The following ZFPM1 variants were observed in gnomAD, a reference collection of about 807,000 sequenced individuals.
The protein encoded by ZFPM1 is zinc finger protein ZFPM1.
ZFPM1 carries 28 observed loss-of-function variants against 46.3 expected under a neutral mutation model. The observed-to-expected ratio is 0.60, with a 90% confidence interval of 0.45 to 0.83. The LOEUF (loss-of-function observed/expected upper bound fraction) is 0.83, where lower values mean the gene tolerates loss of function less well. ZFPM1 is among the 40% of genes least tolerant of loss of function. The pLI is 0.00. For synonymous variants in ZFPM1, 957 were observed against 675.9 expected (o/e 1.42, Z -6.45); for missense variants, 1,878 against 1,432.4 (o/e 1.31, Z -5.02).
At chr16:88,493,203 GGAGCTGTCCCGGGGTGGGGA>G (rs1403733934) in intron 3 of ZFPM1, among the ~76,000 whole-genome samples, 5 of 100,214 alleles carry the variant, frequency 5.0e-5, no homozygotes, top group Non-Finnish European at 1.1e-4. Flanking sequence ...CAGGGTGCGG[GGAGCTGTCCCGGGGTGGGGA>G]GAGCTGTCCC....
intron 9 of ZFPM1, 90 bp from the exon 10 acceptor site, chr16:88,533,058 C>CCCCCCCCCCCA: frequency 1.4e-6 from 2 of 1,456,114 alleles, no homozygotes; most frequent in African/African-American, 1.4e-5. Flanking sequence ...CACTCCCGCC[C>CCCCCCCCCCCA]ACCCCTCCCC....
intron 1 of ZFPM1, among the ~76,000 whole-genome samples, chr16:88,474,065 G>T (rs1012580958): frequency 6.6e-6 from 1 of 152,258 alleles, no homozygotes; most frequent in South Asian, 2.1e-4. Context: ...CAGCGGTGAT[G>T]AATGTTGAGT....
In ZFPM1 at chr16:88,461,080, T is replaced by TCTGGTGAGGACCGAGGGGCGGGAGGC. The variant is rs1203451397; in HGVS notation, c.40+7414_40+7415insGAGGGGCGGGAGGCCTGGTGAGGACC. Among the ~76,000 whole-genome samples the TCTGGTGAGGACCGAGGGGCGGGAGGC allele has an allele frequency of 3.7e-3, 217 of 58,960 alleles. 32 individuals carry two copies. Among genetic ancestry groups the TCTGGTGAGGACCGAGGGGCGGGAGGC allele is most frequent in the African/African-American group, 0.022 (200 of 8,920 alleles). The allele number at this position is 58,960 out of a possible 152,430, so 38.7% of individuals were successfully genotyped here. On this transcript the variant is annotated intron_variant, in intron 1 of 9. Coordinates refer to ENST00000319555, the MANE Select transcript of ZFPM1 (RefSeq NM_153813.3). ...CTGGTGAGGACCCAGGGGCAGAAGG[T>TCTGGTGAGGACCGAGGGGCGGGAGGC]CTGGTGAGGACCAAGGGGCAGGAGG...
At chr16:88,460,754 CA>C (rs1229453868) in intron 1 of ZFPM1, among the ~76,000 whole-genome samples, 1 of 152,186 alleles carries the variant, frequency 6.6e-6, no homozygotes, top group African/African-American at 2.4e-5. Flanking sequence ...GCTTAAATAG[CA>C]GCTGTTTGGA....
At chr16:88,478,034 A>G (rs1908762226) in intron 1 of ZFPM1, among the ~76,000 whole-genome samples, 2 of 151,836 alleles carry the variant, frequency 1.3e-5, no homozygotes, top group South Asian at 2.1e-4. Context: ...CGAGCTCCCC[A>G]TGGCAGGGTG....
At chr16:88,455,579 C>G (rs1042032627) in intron 1 of ZFPM1, among the ~76,000 whole-genome samples, 1 of 151,084 alleles carries the variant, frequency 6.6e-6, no homozygotes, top group Admixed American at 6.6e-5. Flanking sequence ...CACCTGCGGC[C>G]GGGCCGCGAG....
intron 4 of ZFPM1, among the ~76,000 whole-genome samples, chr16:88,522,705 G>A (rs969667064): frequency 2.5e-4 from 38 of 152,200 alleles, no homozygotes; most frequent in African/African-American, 8.9e-4. Flanking sequence ...GCCACTGCTG[G>A]TGGGGCCGGC....
intron 1 of ZFPM1, 39 bp downstream of exon 1, chr16:88,453,717 G>C (rs1411926836): frequency 8.7e-7 from 1 of 1,153,024 alleles, no homozygotes; most frequent in Non-Finnish European, 1.1e-6. Context: ...CCGCGCGCCC[G>C]ACCCCCGCCG....
chr16:88,487,728 A>G (rs1174296645), intron 2 of ZFPM1, among the ~76,000 whole-genome samples: 1 of 152,120 alleles, frequency 6.6e-6, no homozygotes, highest in African/African-American at 2.4e-5. Flanking sequence ...CCCCATCTGC[A>G]CATGCCCAGC....
chr16:88,458,346 G>A (rs1179972743), intron 1 of ZFPM1, among the ~76,000 whole-genome samples: 2 of 152,188 alleles, frequency 1.3e-5, no homozygotes, highest in East Asian at 1.9e-4. Context: ...CAAGGGGGAG[G>A]GGGTCCCCTG....
At chr16:88,495,095 T>C (rs1232737737) in intron 3 of ZFPM1, among the ~76,000 whole-genome samples, 1 of 152,200 alleles carries the variant, frequency 6.6e-6, no homozygotes, top group Non-Finnish European at 1.5e-5. Flanking sequence ...GGCTGAGTCC[T>C]GGGCATCCCA....
At chr16:88,478,607 G>T (rs997525656) in intron 1 of ZFPM1, among the ~76,000 whole-genome samples, 1 of 152,256 alleles carries the variant, frequency 6.6e-6, no homozygotes. Context: ...CAGTCCAGCC[G>T]GTGAACCAGT....
chr16:88,460,596 A>G (rs1907772912), intron 1 of ZFPM1, among the ~76,000 whole-genome samples: 1 of 151,470 alleles, frequency 6.6e-6, no homozygotes, highest in Admixed American at 6.6e-5. Context: ...TGACTTAAGG[A>G]CCCCAGAGTG....
intron 3 of ZFPM1, among the ~76,000 whole-genome samples, chr16:88,502,209 G>A (rs1011400537): frequency 3.9e-5 from 6 of 152,084 alleles, no homozygotes; most frequent in African/African-American, 1.4e-4. Context: ...CCCGGAGATG[G>A]GACAAAGGGG....
At chr16:88,491,266 G>A (rs1029236154) in intron 3 of ZFPM1, among the ~76,000 whole-genome samples, 3 of 152,162 alleles carry the variant, frequency 2.0e-5, no homozygotes, top group Admixed American at 6.5e-5. Context: ...CAGGGAGGGC[G>A]CCCACAGGCC....
intron 1 of ZFPM1, among the ~76,000 whole-genome samples, chr16:88,473,635 C>T (rs1399718346): frequency 1.3e-5 from 2 of 152,140 alleles, no homozygotes; most frequent in African/African-American, 4.8e-5. Context: ...GCGATGGCTC[C>T]GTGAGCCGCG....
rs772009252 is a variant in ZFPM1 at position 88,453,631 on chromosome 16, C to T, written c.-8C>T. On this transcript the variant is annotated 5_prime_UTR_variant, in exon 1 of 10. Transcript: ENST00000319555. Reference sequence around the variant, plus strand: ...GCGGCCGCCGGGAGGGCGCGCGGCGCCGGAGACATGTCCAGGCGGAAACAG... The same window carrying T: ...GCGGCCGCCGGGAGGGCGCGCGGCGTCGGAGACATGTCCAGGCGGAAACAG... 2 of 1,143,900 alleles carry T rather than the reference C, an allele frequency of 1.7e-6. No homozygotes were observed. The highest frequency in any genetic ancestry group is 2.0e-5 in the South Asian group (1 of 48,872). 70.9% of individuals were successfully genotyped at this position (1,143,900 alleles called of 1,614,324 possible).
chr16:88,496,740 C>A (rs972076432), intron 3 of ZFPM1, among the ~76,000 whole-genome samples: 1 of 152,136 alleles, frequency 6.6e-6, no homozygotes, highest in Non-Finnish European at 1.5e-5. Context: ...CAGCACTGGT[C>A]ATGTACACGG....
intron 3 of ZFPM1, among the ~76,000 whole-genome samples, chr16:88,500,325 G>A (rs1910182248): frequency 6.6e-6 from 1 of 152,238 alleles, no homozygotes; most frequent in Non-Finnish European, 1.5e-5. Context: ...TGAGCTGGTG[G>A]CCTCGTCAGG....
Sources: gnomAD v4.1 joint callset for allele counts (sites outside exome capture counted in the v4.1 genomes callset) on GRCh38, gnomAD v4.1.1 for gene constraint, MANE v1.5 for transcripts, NCBI Gene and HGNC (gene_info 2026-07-23, HGNC 2026-07-21) for gene names.